FAM151B: variants seen among roughly 807,000 people sequenced by gnomAD.
FAM151B encodes family with sequence similarity 151 member B, also known as protein FAM151B.
FAM151B carries 24 observed loss-of-function variants against 31.2 expected under a neutral mutation model. The observed-to-expected ratio is 0.77, with a 90% CI of 0.56 to 1.08. The LOEUF is 1.08. Ranked by LOEUF, FAM151B falls within the 50% of genes least tolerant of loss-of-function variation. The probability of loss-of-function intolerance (pLI) is 0.00; values close to 1 mark genes in which losing one functional copy is unlikely to be tolerated. For synonymous variants in FAM151B, 105 were observed against 111.4 expected, an observed-to-expected ratio of 0.94 and a Z score of 0.36; for missense variants, 293 against 328.6, an observed-to-expected ratio of 0.89 and a Z score of 0.84.
intron 2 of FAM151B, among the ~76,000 whole-genome samples, chr5:80,508,037 G>A (rs754183669): frequency 6.6e-6 from 1 of 152,126 alleles, no homozygotes; most frequent in Non-Finnish European, 1.5e-5. Context: ...CTTCCTATGT[G>A]GCCTTTTGTG....
intron 5 of FAM151B, among the ~76,000 whole-genome samples, chr5:80,541,184 C>T (rs1005099184): frequency 6.6e-6 from 1 of 152,216 alleles, no homozygotes; most frequent in African/African-American, 2.4e-5. Context: ...TCTTGGCATT[C>T]TTGTATCTCA....
In FAM151B at chr5:80,538,380, CTT is replaced by C. The variant is rs767312791; in HGVS notation, c.672-3291_672-3290del. Among the ~76,000 whole-genome samples, 10 of 37,952 alleles carry C rather than the reference CTT, an allele frequency of 2.6e-4. No homozygotes were observed. The South Asian group carries it at 0.011, about 40-fold the overall frequency. The allele number at this position is 37,952 out of a possible 152,430, so 24.9% of individuals were successfully genotyped here. On this transcript the variant is annotated intron_variant, in intron 5 of 5. Transcript: ENST00000282226. ...CCGCACCCAGCCTTTCTTTTTCTTT[CTT>C]TCTTTCTTTCTTTCTTTCTTTCTTT...
chr5:80,542,180 TAC>T lies in FAM151B; in HGVS notation c.*350_*351del, dbSNP rs1277326885. The T allele has an allele frequency of 1.2e-5, 2 of 170,474 alleles. No homozygotes were observed. Among genetic ancestry groups the T allele is most frequent in the African/African-American group, 2.4e-5 (1 of 42,070 alleles). 10.6% of individuals were successfully genotyped at this position (170,474 alleles called of 1,614,324 possible). ...AATCACATGTGCTTGGCACTTGCAT[TAC>T]AGAGATTATGAAAAATATGGTACTC... On this transcript the variant is annotated 3_prime_UTR_variant, in exon 6 of 6. Transcript: ENST00000282226.
chr5:80,516,170 C>T (rs948865115), intron 3 of FAM151B, among the ~76,000 whole-genome samples: 1 of 152,018 alleles, frequency 6.6e-6, no homozygotes, highest in Non-Finnish European at 1.5e-5. Context: ...ACTAAAAATA[C>T]AAAATTAGCT....
At position 80,513,620 on chromosome 5, in the gene FAM151B, A is replaced by G. The variant is rs1744284280; in HGVS notation, c.168A>G (p.Ile56Met). The change falls in exon 3 of 6, where the codon ATA becomes ATG. Residue 56 changes from isoleucine (I) to methionine (M), a missense_variant. Physicochemically the swap from Ile to Met is conservative, Grantham distance 10 (BLOSUM62 1). Coordinates refer to ENST00000282226, the MANE Select transcript of FAM151B (RefSeq NM_205548.3). ...TTTGGACAGGTACTGCTCACATGAT[A>G]GAGGCTGATGTCCTTCTTCCAAGTG... ...NEALKSTAHM[I>M]EADVLLPSDG... 1 of 1,613,384 alleles carries G rather than the reference A, an allele frequency of 6.2e-7. No homozygotes were observed. The highest frequency in any genetic ancestry group is 8.5e-7 in the Non-Finnish European group (1 of 1,179,840).
At chr5:80,500,360 G>C (rs572811587) in intron 1 of FAM151B, 12 of 1,123,864 alleles carry the variant, frequency 1.1e-5, no homozygotes, top group Non-Finnish European at 1.6e-5. Flanking sequence ...GAAAGAGAAG[G>C]TTCCTGCTGT....
chr5:80,513,863 A>C, intron 3 of FAM151B, 94 bp downstream of exon 3: 1 of 1,163,196 alleles, frequency 8.6e-7, no homozygotes, highest in Non-Finnish European at 1.2e-6. Context: ...TGAAAATGGA[A>C]TTGTAGACTC....
chr5:80,529,531 C>T (rs866394554), intron 5 of FAM151B, among the ~76,000 whole-genome samples: 10 of 152,116 alleles, frequency 6.6e-5, no homozygotes, highest in East Asian at 1.9e-4. Context: ...ATCAAATAGA[C>T]GCAATAAAAA....
In FAM151B at chr5:80,521,824, C is replaced by T. The variant is rs148240306; in HGVS notation, c.536-179C>T. On this transcript the variant is annotated intron_variant, in intron 4 of 5. Transcript: ENST00000282226. ...GGAATGATTTTTTATCTCCATTTTC[C>T]ACTTAGTTTTTTTTCACATTAAGTA... Among the ~76,000 whole-genome samples, 502 of 151,918 alleles carry T rather than the reference C, an allele frequency of 3.3e-3. 2 individuals carry two copies. The highest frequency in any genetic ancestry group is 5.3e-3 in the Non-Finnish European group (363 of 67,972).
At chr5:80,526,574 C>T (rs1034605811) in intron 5 of FAM151B, among the ~76,000 whole-genome samples, 7 of 151,770 alleles carry the variant, frequency 4.6e-5, no homozygotes, top group African/African-American at 1.5e-4. Flanking sequence ...GAGCCAAGGT[C>T]GCACCACTGC....
chr5:80,522,278 C>T (rs1270248863), intron 5 of FAM151B, 140 bp downstream of exon 5: 1 of 799,424 alleles, frequency 1.3e-6, no homozygotes, highest in Non-Finnish European at 1.9e-6. Flanking sequence ...GATATAAGCG[C>T]ACAGACTCCC....
At chr5:80,501,656 C>G (rs1580416758) in intron 1 of FAM151B, 136 bp from the exon 2 acceptor site, 1 of 557,412 alleles carries the variant, frequency 1.8e-6, no homozygotes, top group African/African-American at 1.9e-5. Flanking sequence ...AACCTTTTTA[C>G]TATCTATCTA....
At chr5:80,492,597 A>G (rs1414423700) in intron 1 of FAM151B, among the ~76,000 whole-genome samples, 1 of 152,188 alleles carries the variant, frequency 6.6e-6, no homozygotes, top group Non-Finnish European at 1.5e-5. Flanking sequence ...CCAGTTAATA[A>G]CCATAGAATG....
intron 1 of FAM151B, among the ~76,000 whole-genome samples, chr5:80,497,911 G>A (rs1489221088): frequency 6.6e-6 from 1 of 152,032 alleles, no homozygotes; most frequent in South Asian, 2.1e-4. Flanking sequence ...CCTGCACGTT[G>A]TGCACATGTA....
At chr5:80,499,159 A>G (rs1373580319) in intron 1 of FAM151B, among the ~76,000 whole-genome samples, 1 of 152,196 alleles carries the variant, frequency 6.6e-6, no homozygotes, top group African/African-American at 2.4e-5. Flanking sequence ...ATGAACAAGG[A>G]TTAGGGAGGT....
At chr5:80,515,760 A>G (rs1420480934) in intron 3 of FAM151B, among the ~76,000 whole-genome samples, 1 of 152,210 alleles carries the variant, frequency 6.6e-6, no homozygotes, top group Non-Finnish European at 1.5e-5. Flanking sequence ...TGTATTTTTC[A>G]TTAAATTCTC....
intron 2 of FAM151B, among the ~76,000 whole-genome samples, chr5:80,503,254 A>G (rs1743816698): frequency 6.6e-6 from 1 of 152,220 alleles, no homozygotes; most frequent in South Asian, 2.1e-4. Context: ...AAATGATCAT[A>G]ATAAATAGGT....
intron 1 of FAM151B, among the ~76,000 whole-genome samples, chr5:80,499,216 G>C (rs1413608175): frequency 6.6e-6 from 1 of 152,078 alleles, no homozygotes; most frequent in African/African-American, 2.4e-5. Flanking sequence ...TTTATGTTAT[G>C]ATATAGTATG....
chr5:80,540,014 A>G (rs1745805074), intron 5 of FAM151B, among the ~76,000 whole-genome samples: 1 of 152,094 alleles, frequency 6.6e-6, no homozygotes. Context: ...ATACCGCCCC[A>G]AAGAAGGACA....
Sources: gnomAD v4.1 joint callset for allele counts (sites outside exome capture counted in the v4.1 genomes callset) on GRCh38, gnomAD v4.1.1 for gene constraint, MANE v1.5 for transcripts, NCBI Gene and HGNC (gene_info 2026-07-23, HGNC 2026-07-21) for gene names.